The following MLX variants were observed in gnomAD, a reference collection of about 807,000 sequenced individuals.
MLX encodes max-like protein X.
Under a neutral mutation model 33.0 loss-of-function variants are expected in MLX, and 15 were observed. The observed-to-expected ratio is 0.45, with a 90% CI of 0.30 to 0.70. The LOEUF (loss-of-function observed/expected upper bound fraction) is 0.70, where lower values mean the gene tolerates loss of function less well. Ranked by LOEUF, MLX falls within the 30% of genes least tolerant of loss-of-function variation. MLX has a pLI of 0.07. For synonymous variants in MLX, 115 were observed against 115.6 expected (o/e 0.99, Z 0.03); for missense variants, 285 against 306.3 (o/e 0.93, Z 0.52).
rs1324492069 is a variant in MLX at position 42,571,591 on chromosome 17, C to T, written c.723C>T (p.Asn241=). Reference sequence around the variant, plus strand: ...TTGGCGTCCTGCACCAATTGAAAAACCAGCTTTACTGACCGGTTCTTGGAA... The same window carrying T: ...TTGGCGTCCTGCACCAATTGAAAAATCAGCTTTACTGACCGGTTCTTGGAA... ...IVIGVLHQLK[N]QLY is the part of the protein sequence containing the mutation. The change falls in exon 8 of 8, where the codon AAC becomes AAT. Residue 241 remains asparagine, a synonymous_variant. Coordinates refer to ENST00000435881, the MANE Select transcript of MLX (RefSeq NM_198204.2). 5.0e-6 allele frequency: 8 copies of T among 1,613,992 alleles called. No individual in the cohort carries two copies. The Admixed American group carries it at 1.0e-4, about 20-fold the overall frequency.
At position 42,569,215 on chromosome 17, in the gene MLX, T is replaced by A; in HGVS notation, c.288T>A (p.Asp96Glu). Residue 96 changes from aspartate to glutamate, a missense_variant, in exon 5 of 8, where the codon GAT (aspartate) becomes GAA (glutamate). Coordinates refer to ENST00000435881, the MANE Select transcript of MLX (RefSeq NM_198204.2). Reference sequence around the variant, plus strand: ...TGCTGTTTCCACAGAGAGGCTATGATGACCTTCAGACCATCGTCCCCACTT... The same window carrying A: ...TGCTGTTTCCACAGAGAGGCTATGAAGACCTTCAGACCATCGTCCCCACTT... The part of the protein sequence containing the change: ...KRRDAIKRGY[D>E]DLQTIVPTCQ... 2 of 1,614,100 alleles carry A rather than the reference T, an allele frequency of 1.2e-6. No individual in the cohort carries two copies. The highest frequency in any genetic ancestry group is 1.1e-5 in the South Asian group (1 of 91,084).
intron 3 of MLX, 123 bp downstream of exon 3, chr17:42,568,682 A>G (rs1165558186): frequency 2.7e-6 from 3 of 1,101,880 alleles, no homozygotes; most frequent in South Asian, 1.3e-5. Context: ...ATCAGACACA[A>G]GGTCTCACCA....
Position 42,572,199 on chromosome 17 carries a change from C to T in MLX, c.*596C>T, listed in dbSNP as rs2093036568. ...TCAGGGAGGGGCCACCAGGTTCCTC[C>T]CCTCACCCCATATTCCATCACCTTC... On this transcript the variant is annotated 3_prime_UTR_variant, in exon 8 of 8. Coordinates refer to ENST00000435881, the MANE Select transcript of MLX (RefSeq NM_198204.2). The T allele has an allele frequency of 2.8e-6, 1 of 356,278 alleles. No homozygotes were observed. Among genetic ancestry groups the T allele is most frequent in the African/African-American group, 2.1e-5 (1 of 46,762 alleles). 22.1% of individuals were successfully genotyped at this position (356,278 alleles called of 1,614,324 possible).
Position 42,569,188 on chromosome 17 carries a change from C to T in MLX, c.277-16C>T, listed in dbSNP as rs2093021020. 1.9e-6 allele frequency: 3 copies of T among 1,611,296 alleles called. No individual in the cohort carries two copies. The highest frequency in any genetic ancestry group is 1.7e-6 in the Non-Finnish European group (2 of 1,177,722). On this transcript the variant is annotated splice_polypyrimidine_tract_variant and intron_variant, in intron 4 of 7. Coordinates refer to ENST00000435881, the MANE Select transcript of MLX (RefSeq NM_198204.2). Reference sequence around the variant, plus strand: ...TCTCAGGGTTAAAGAACCCATTTCCCCTGCTGTTTCCACAGAGAGGCTATG... The same window carrying T: ...TCTCAGGGTTAAAGAACCCATTTCCTCTGCTGTTTCCACAGAGAGGCTATG...
Position 42,573,100 on chromosome 17 carries a change from C to CACTT in MLX, c.*1500_*1503dup, listed in dbSNP as rs779415687. 1.5e-5 allele frequency: 24 copies of CACTT among 1,614,124 alleles called. No individual in the cohort carries two copies. Among genetic ancestry groups the CACTT allele is most frequent in the Non-Finnish European group, 1.9e-5 (23 of 1,180,036 alleles). The stretch of plus-strand genomic sequence containing the variant: ...GGGAAGCAAAGAAGGAAGAGAGCTC[C>CACTT]ACTTACAAAGAACTGCTTCTTGCTC... On this transcript the variant is annotated 3_prime_UTR_variant, in exon 8 of 8. Transcript: ENST00000435881.
At chr17:42,570,229 C>T in intron 7 of MLX, 46 bp downstream of exon 7, 1 of 1,587,786 alleles carries the variant, frequency 6.3e-7, no homozygotes, top group South Asian at 1.1e-5. Context: ...TCTCTACCAT[C>T]AAGCAAAGTG....
At position 42,572,579 on chromosome 17, in the gene MLX, C is replaced by G. The variant is rs1308360314; in HGVS notation, c.*976C>G. ...CCAAATGCTCGTTTTATAGCAACCT[C>G]TCTCTACCCTAGTTCTCCAAATTCA... On this transcript the variant is annotated 3_prime_UTR_variant, in exon 8 of 8. Coordinates refer to ENST00000435881, the MANE Select transcript of MLX (RefSeq NM_198204.2). 1 of 453,798 alleles carries G rather than the reference C, an allele frequency of 2.2e-6. No homozygotes were observed. Among genetic ancestry groups the G allele is most frequent in the South Asian group, 1.6e-5 (1 of 64,180 alleles). The allele number at this position is 453,798 out of a possible 1,614,324, so 28.1% of individuals were successfully genotyped here.
rs2093047088 is a variant in MLX, at chr17:42,573,162, G to A, written c.*1559G>A. 6 of 1,614,230 alleles carry A rather than the reference G, an allele frequency of 3.7e-6. No individual in the cohort carries two copies. In the East Asian group the frequency reaches 1.3e-4, roughly 36 times the overall value. On this transcript the variant is annotated 3_prime_UTR_variant, in exon 8 of 8. Transcript: ENST00000435881. ...TTCAAGTATTGCATCAGACAGCTCTGTAGCCTGACAAGAAATAAAACCACC... is the reference window on the plus strand; with the variant it reads ...TTCAAGTATTGCATCAGACAGCTCTATAGCCTGACAAGAAATAAAACCACC...
chr17:42,567,267 C>A, intron 1 of MLX, 101 bp downstream of exon 1: 1 of 1,344,624 alleles, frequency 7.4e-7, no homozygotes, highest in Non-Finnish European at 9.6e-7. Flanking sequence ...TCCCCAAAGT[C>A]CCCCACGCTC....
rs1324601129 is a variant in MLX at position 42,572,344 on chromosome 17, A to C, written c.*741A>C. 2.2e-6 allele frequency: 1 copy of C among 454,376 alleles called. No homozygotes were observed. Among genetic ancestry groups the C allele is most frequent in the Non-Finnish European group, 4.4e-6 (1 of 226,748 alleles). The allele number at this position is 454,376 out of a possible 1,614,324, so 28.1% of individuals were successfully genotyped here. A position where few individuals can be genotyped will look rare whatever the true frequency, so the allele number is the denominator to read the frequency against. Reference sequence around the variant, plus strand: ...GAAATTTTTTATTTTTCTAAATACCAATGCAGTTTTGCTACGGTTACAATT... The same window carrying C: ...GAAATTTTTTATTTTTCTAAATACCCATGCAGTTTTGCTACGGTTACAATT... On this transcript the variant is annotated 3_prime_UTR_variant, in exon 8 of 8. Transcript: ENST00000435881.
Position 42,572,969 on chromosome 17 carries a change from CAG to C in MLX, c.*1367_*1368del, listed in dbSNP as rs1275807463. The C allele has an allele frequency of 1.3e-5, 21 of 1,614,032 alleles. No individual in the cohort carries two copies. The highest frequency in any genetic ancestry group is 4.0e-5 in the African/African-American group (3 of 74,910). ...CCACCAGTCCTGACCGTGGGCCCCT[CAG>C]GGGTCTGGGAGTGTGACGTTGTAAT... On this transcript the variant is annotated 3_prime_UTR_variant, in exon 8 of 8. Transcript: ENST00000435881.
rs1266853979 is a variant in MLX, at chr17:42,567,119, T to TACAAGATGACGG, written c.-4_8dup. 1 of 1,256,346 alleles carries TACAAGATGACGG rather than the reference T, an allele frequency of 8.0e-7. No individual in the cohort carries two copies. Among genetic ancestry groups the TACAAGATGACGG allele is most frequent in the East Asian group, 3.1e-5 (1 of 32,250 alleles). The allele number at this position is 1,256,346 out of a possible 1,614,324, so 77.8% of individuals were successfully genotyped here. ...GCTGGCCCGTTTCCGGTCCGGTGGG[T>TACAAGATGACGG]ACAAGATGACGGAGCCGGGCGCCTC... On this transcript the variant is annotated 5_prime_UTR_variant, in exon 1 of 8. The change creates a new upstream start codon in the 5' untranslated region. Transcript: ENST00000435881.
rs1434971115 is a variant in MLX at position 42,568,508 on chromosome 17, T to C, written c.118T>C (p.Ser40Pro). The change falls in exon 3 of 8, where the codon TCC becomes CCC. Residue 40 changes from serine (S) to proline (P), a missense_variant. By Grantham distance (74) the Ser-to-Pro change is moderately conservative (BLOSUM62 -1). Transcript: ENST00000435881. The part of the protein sequence containing the change: ...VESTRKGSVV[S>P]RANSIGSTSA... ...AAGCACCCGCAAGGGGAGTGTAGTGTCCAGAGCTAATAGCATCGGTTCCAC... is the reference window on the plus strand; with the variant it reads ...AAGCACCCGCAAGGGGAGTGTAGTGCCCAGAGCTAATAGCATCGGTTCCAC... 9.3e-6 allele frequency: 15 copies of C among 1,613,930 alleles called. No individual in the cohort carries two copies. Among genetic ancestry groups the C allele is most frequent in the Non-Finnish European group, 1.3e-5 (15 of 1,179,906 alleles).
chr17:42,569,050 C>A, intron 4 of MLX, 107 bp downstream of exon 4: 1 of 1,300,614 alleles, frequency 7.7e-7, no homozygotes, highest in Non-Finnish European at 1.1e-6. Flanking sequence ...AGGGGGTGGG[C>A]AGGTAGTATA....
chr17:42,570,116 C>T lies in MLX; in HGVS notation c.611C>T (p.Ser204Leu). Reference sequence around the variant, plus strand: ...TTCCAGTCCTTCAATGCCTCCATCTCAGTGGCCAGCTTCCAGGAGCTGTCA... The same window carrying T: ...TTCCAGTCCTTCAATGCCTCCATCTTAGTGGCCAGCTTCCAGGAGCTGTCA... The part of the protein sequence containing the change: ...SLFQSFNASI[S>L]VASFQELSAC... The change falls in exon 7 of 8, where the codon TCA (serine) becomes TTA (leucine). Residue 204 changes from serine to leucine, a missense_variant. By Grantham distance (145) the Ser-to-Leu change is moderately radical. Transcript: ENST00000435881. 1 of 1,614,154 alleles carries T rather than the reference C, an allele frequency of 6.2e-7. No individual in the cohort carries two copies. Among genetic ancestry groups the T allele is most frequent in the South Asian group, 1.1e-5 (1 of 91,084 alleles).
intron 7 of MLX, among the ~76,000 whole-genome samples, chr17:42,571,138 CTTTTT>C (rs928314305): frequency 2.3e-5 from 3 of 130,458 alleles, no homozygotes; most frequent in African/African-American, 8.9e-5. Flanking sequence ...TTCCTGGGGG[CTTTTT>C]TTTTTTTTTT....
chr17:42,567,262 A>G, intron 1 of MLX, 96 bp downstream of exon 1: 1 of 1,336,260 alleles, frequency 7.5e-7, no homozygotes, highest in South Asian at 2.2e-5. Context: ...TCCTGTCCCC[A>G]AAGTCCCCCA....
rs2093030201 is a variant in MLX at position 42,571,132 on chromosome 17, TG to T, written c.679-410del. Among the ~76,000 whole-genome samples, 3 of 149,576 alleles carry T rather than the reference TG, an allele frequency of 2.0e-5. No individual in the cohort carries two copies. In the South Asian group the frequency reaches 6.3e-4, roughly 31 times the overall value. On this transcript the variant is annotated intron_variant, in intron 7 of 7. Coordinates refer to ENST00000435881, the MANE Select transcript of MLX (RefSeq NM_198204.2). ...TTAAACTGCAGACATCAGTACTTCC[TG>T]GGGGCTTTTTTTTTTTTTTTTTGAG...
At chr17:42,568,614 G>A (rs646123) in intron 3 of MLX, 55 bp downstream of exon 3, 428,297 of 1,511,180 alleles carry the variant, frequency 0.28, 63,891 homozygotes, top group South Asian at 0.45. Context: ...CATAATTGTA[G>A]TACCTTTCCT....
Sources: gnomAD v4.1 joint callset for allele counts (sites outside exome capture counted in the v4.1 genomes callset) on GRCh38, gnomAD v4.1.1 for gene constraint, MANE v1.5 for transcripts, NCBI Gene and HGNC (gene_info 2026-07-23, HGNC 2026-07-21) for gene names.